Variants in RABGAP1L observed in about 807,000 individuals in gnomAD.
RABGAP1L encodes RAB GTPase activating protein 1 like.
In RABGAP1L, 63 loss-of-function variants were observed where a neutral mutation model predicts 137.7. The observed-to-expected ratio is 0.46, with a 90% CI of 0.37 to 0.56. The LOEUF (loss-of-function observed/expected upper bound fraction) is 0.56. Among genes scored for constraint, RABGAP1L ranks in the 20% least tolerant of loss-of-function variants. The pLI is 0.00. For synonymous variants in RABGAP1L, 431 were observed against 433.7 expected, an observed-to-expected ratio of 0.99 and a Z score of 0.08; for missense variants, 1,095 against 1,244.0, an observed-to-expected ratio of 0.88 and a Z score of 1.80.
At chr1:174,345,673 A>G (rs544373347) in intron 11 of RABGAP1L, among the ~76,000 whole-genome samples, 1 of 152,300 alleles carries the variant, frequency 6.6e-6, no homozygotes, top group African/African-American at 2.4e-5. Flanking sequence ...CAAATATAAG[A>G]TCGTATCATC....
intron 7 of RABGAP1L, among the ~76,000 whole-genome samples, chr1:174,260,564 A>G (rs1279104322): frequency 6.6e-6 from 1 of 152,198 alleles, no homozygotes; most frequent in Non-Finnish European, 1.5e-5. Flanking sequence ...GAGATGTTAA[A>G]GTGTGTGTAC....
chr1:174,249,875 C>T (rs767379037), intron 5 of RABGAP1L, among the ~76,000 whole-genome samples: 14 of 152,124 alleles, frequency 9.2e-5, no homozygotes, highest in Non-Finnish European at 2.1e-4. Flanking sequence ...AACTCCTGAC[C>T]TTGTGATCTG....
At chr1:174,984,174 C>T (rs79535284) in intron 24 of RABGAP1L, among the ~76,000 whole-genome samples, 4,074 of 152,118 alleles carry the variant, frequency 0.027, 176 homozygotes, top group African/African-American at 0.09. Flanking sequence ...AGTTCCCTCC[C>T]CTCAGTCCCC....
At chr1:174,972,895 A>ATAAT (rs1406620500) in intron 21 of RABGAP1L, among the ~76,000 whole-genome samples, 1 of 148,930 alleles carries the variant, frequency 6.7e-6, no homozygotes, top group Non-Finnish European at 1.5e-5. Context: ...TGAAGGCTTT[A>ATAAT]TAATTTGGGC....
At chr1:174,666,565 A>T (rs989405863) in intron 14 of RABGAP1L, among the ~76,000 whole-genome samples, 1 of 152,236 alleles carries the variant, frequency 6.6e-6, no homozygotes, top group Non-Finnish European at 1.5e-5. Context: ...ATATTTTAGA[A>T]GTTTGACCCA....
rs572381449 is a variant in RABGAP1L at position 174,386,057 on chromosome 1, A to G, written c.1560-7938A>G. On this transcript the variant is annotated intron_variant, in intron 12 of 25. Transcript: ENST00000681986. ...GAGAAAGAGGACATAATTGTAGGAT[A>G]ATTTGATGAATAGGCAAGAAAAGAT... Among the ~76,000 whole-genome samples the G allele has an allele frequency of 6.6e-5, 10 of 152,318 alleles. No individual in the cohort carries two copies. In the East Asian group the frequency reaches 1.9e-3, roughly 29 times the overall value.
intron 13 of RABGAP1L, among the ~76,000 whole-genome samples, chr1:174,406,315 A>C (rs1270942575): frequency 6.6e-6 from 1 of 152,210 alleles, no homozygotes; most frequent in Admixed American, 6.5e-5. Flanking sequence ...ATATTCTATT[A>C]TTAGTAACAA....
chr1:174,865,480 A>T (rs931975673), intron 19 of RABGAP1L, among the ~76,000 whole-genome samples: 4 of 152,206 alleles, frequency 2.6e-5, no homozygotes, highest in Admixed American at 1.3e-4. Flanking sequence ...TCTTGCAGAG[A>T]GGCTTTGGGC....
chr1:174,722,419 T>G, intron 17 of RABGAP1L, among the ~76,000 whole-genome samples: 1 of 152,078 alleles, frequency 6.6e-6, no homozygotes, highest in East Asian at 1.9e-4. Context: ...TGAATATGAC[T>G]AGCTTTTCCC....
chr1:174,201,260 ATT>A (rs746379130), intron 1 of RABGAP1L, among the ~76,000 whole-genome samples: 23 of 139,834 alleles, frequency 1.6e-4, no homozygotes, highest in Non-Finnish European at 1.6e-4. Context: ...CAGTGTAGAA[ATT>A]TTTTTTTTTT....
At position 174,677,813 on chromosome 1, in the gene RABGAP1L, TA is replaced by T. The variant is rs1446643601; in HGVS notation, c.1825-5708del. The stretch of plus-strand genomic sequence containing the variant: ...GCAAGTTTATAGCTTTAAATGCCTA[TA>T]TTAGAAAAGAAGATAGATCTAAGTT... On this transcript the variant is annotated intron_variant, in intron 14 of 25. Coordinates refer to ENST00000681986, the MANE Select transcript of RABGAP1L (RefSeq NM_001366446.1). Among the ~76,000 whole-genome samples the T allele has an allele frequency of 1.8e-4, 27 of 152,286 alleles. 1 individual carries two copies. The highest frequency in any genetic ancestry group is 6.0e-4 in the African/African-American group (25 of 41,546).
chr1:174,398,166 C>T (rs1648105650), intron 13 of RABGAP1L, among the ~76,000 whole-genome samples: 1 of 152,028 alleles, frequency 6.6e-6, no homozygotes, highest in Admixed American at 6.6e-5. Context: ...GGAATATTGC[C>T]AATCAGGAAG....
rs553503400 is a variant in RABGAP1L, at chr1:174,250,499, T to C, written c.742T>C (p.Cys248Arg). The part of the protein sequence containing the change: ...EAVSRILYSF[C>R]TAFKRSSRQV... ...GGTAAGCAGAATTTTGTACAGTTTC[T>C]GTACAGCATTCAAACGTTCTTCCAG... is the stretch of plus-strand genomic sequence containing the variant. Residue 248 changes from cysteine to arginine, a missense_variant, in exon 6 of 26, where the codon TGT becomes CGT. Around this residue, in one of 4 missense-constraint regions of RABGAP1L, gnomAD observed 356 missense variants for 326.3 expected, o/e 1.09. Coordinates refer to ENST00000681986, the MANE Select transcript of RABGAP1L (RefSeq NM_001366446.1). 40 of 1,613,160 alleles carry C rather than the reference T, an allele frequency of 2.5e-5. No homozygotes were observed. The South Asian group carries it at 4.3e-4, about 17-fold the overall frequency.
intron 10 of RABGAP1L, among the ~76,000 whole-genome samples, chr1:174,290,048 C>A (rs1457734089): frequency 1.3e-5 from 2 of 152,162 alleles, no homozygotes; most frequent in African/African-American, 2.4e-5. Flanking sequence ...TGGCTTGGTT[C>A]CCTGCCTGGG....
chr1:174,908,508 C>G (rs998027170), intron 19 of RABGAP1L, among the ~76,000 whole-genome samples: 2 of 149,376 alleles, frequency 1.3e-5, no homozygotes, highest in African/African-American at 4.9e-5. Flanking sequence ...TACACAAACA[C>G]ATTAAATAAG....
intron 14 of RABGAP1L, among the ~76,000 whole-genome samples, chr1:174,656,582 C>G (rs1557956927): frequency 6.6e-6 from 1 of 152,176 alleles, no homozygotes; most frequent in Admixed American, 6.5e-5. Flanking sequence ...ACCTTATACC[C>G]ATTAGAAATC....
chr1:174,880,513 T>C (rs1314181296), intron 19 of RABGAP1L, among the ~76,000 whole-genome samples: 1 of 152,036 alleles, frequency 6.6e-6, no homozygotes, highest in Non-Finnish European at 1.5e-5. Context: ...CCATCATAAA[T>C]AAACAGAATT....
chr1:174,307,690 T>G (rs969382736), intron 11 of RABGAP1L, among the ~76,000 whole-genome samples: 5 of 152,172 alleles, frequency 3.3e-5, no homozygotes, highest in Admixed American at 2.6e-4. Context: ...ATTGTTTAGA[T>G]AAAGCACATT....
intron 19 of RABGAP1L, among the ~76,000 whole-genome samples, chr1:174,944,274 C>CAAAAAA (rs56225773): frequency 3.9e-4 from 20 of 50,820 alleles, no homozygotes; most frequent in East Asian, 9.2e-4. Flanking sequence ...AAGACTGTCT[C>CAAAAAA]AAAAAAAAAA....
Sources: allele counts gnomAD v4.1 joint callset (sites outside exome capture counted in the v4.1 genomes callset), GRCh38; gene constraint gnomAD v4.1.1; regional missense constraint gnomAD v4.1.1; transcripts MANE v1.5; gene names NCBI Gene and HGNC (gene_info 2026-07-23, HGNC 2026-07-21).